MSI2: variants seen among roughly 807,000 people sequenced by gnomAD.
MSI2 encodes RNA-binding protein Musashi homolog 2.
MSI2 carries 17 observed loss-of-function variants against 45.6 expected under a neutral mutation model. The observed-to-expected ratio is 0.37, with a 90% CI of 0.26 to 0.56. The LOEUF (loss-of-function observed/expected upper bound fraction) is 0.56. Ranked by LOEUF, MSI2 falls within the 20% of genes least tolerant of loss-of-function variation. The probability of loss-of-function intolerance (pLI) is 0.77; values close to 1 mark genes in which losing one functional copy is unlikely to be tolerated. For synonymous variants in MSI2, 156 were observed against 158.2 expected (o/e 0.99, Z 0.11); for missense variants, 293 against 444.2 (o/e 0.66, Z 3.06).
intron 5 of MSI2, among the ~76,000 whole-genome samples, chr17:57,321,365 T>C (rs918440447): frequency 6.6e-6 from 1 of 152,026 alleles, no homozygotes; most frequent in Non-Finnish European, 1.5e-5. Context: ...GCAAGGTGAC[T>C]CAGAACATTA....
At chr17:57,278,631 T>A (rs1399281665) in intron 5 of MSI2, 1 of 152,348 alleles carries the variant, frequency 6.6e-6, no homozygotes, top group Non-Finnish European at 1.5e-5. Flanking sequence ...AAGACCTCCA[T>A]CCCCCCACTG....
intron 6 of MSI2, among the ~76,000 whole-genome samples, chr17:57,518,260 C>T (rs2086511204): frequency 6.6e-6 from 1 of 152,120 alleles, no homozygotes; most frequent in Non-Finnish European, 1.5e-5. Context: ...GCAGATGGCC[C>T]ATGGGATTAA....
Position 57,280,355 on chromosome 17 carries a change from G to GA in MSI2, c.312+18165dup, listed in dbSNP as rs1416935070. 6.6e-6 allele frequency among the ~76,000 whole-genome samples: 1 copy of GA among 151,896 alleles called. No homozygotes were observed. Among genetic ancestry groups the GA allele is most frequent in the Non-Finnish European group, 1.5e-5 (1 of 68,002 alleles). ...GTGGGTACCCCAGGGGGCTGTGGGG[G>GA]AATCAGTGAGTAAGTTGTTGTGGTG... On this transcript the variant is annotated intron_variant, in intron 5 of 13. Coordinates refer to ENST00000284073, the MANE Select transcript of MSI2 (RefSeq NM_138962.4). This position sits in a 1 kb window ranked among gnomAD's most constrained non-coding sequence, Gnocchi z 4.2.
intron 5 of MSI2, among the ~76,000 whole-genome samples, chr17:57,307,910 A>G (rs2143583580): frequency 6.6e-6 from 1 of 152,232 alleles, no homozygotes; most frequent in Non-Finnish European, 1.5e-5. Context: ...TCTCTCTTGG[A>G]CCATAACCTG....
chr17:57,285,916 G>T (rs538416205), intron 5 of MSI2: 2 of 1,534,132 alleles, frequency 1.3e-6, no homozygotes, highest in Non-Finnish European at 1.7e-6. Context: ...AAGTACTAAA[G>T]AATACGTCTT....
intron 6 of MSI2, among the ~76,000 whole-genome samples, chr17:57,458,161 C>T (rs933559325): frequency 4.9e-5 from 7 of 142,550 alleles, no homozygotes; most frequent in African/African-American, 1.1e-4. Context: ...AGTGCAGTGG[C>T]GCGATCTTGG....
chr17:57,299,120 C>T (rs1019056776), intron 5 of MSI2, among the ~76,000 whole-genome samples: 1 of 152,198 alleles, frequency 6.6e-6, no homozygotes, highest in Non-Finnish European at 1.5e-5. Context: ...CACTTCTCAG[C>T]CCTCATAGAA....
intron 7 of MSI2, among the ~76,000 whole-genome samples, chr17:57,588,346 G>C (rs1349134319): frequency 6.6e-6 from 1 of 152,202 alleles, no homozygotes; most frequent in African/African-American, 2.4e-5. Flanking sequence ...TAAGGCCAGG[G>C]AAGTGAGCAC....
intron 11 of MSI2, among the ~76,000 whole-genome samples, chr17:57,664,520 A>C (rs1359727304): frequency 6.6e-6 from 1 of 152,138 alleles, no homozygotes; most frequent in African/African-American, 2.4e-5. Flanking sequence ...TCCCTCTCAA[A>C]AAAGGGGAAA....
At chr17:57,394,794 TAG>T (rs1052178404) in intron 5 of MSI2, among the ~76,000 whole-genome samples, 2 of 152,184 alleles carry the variant, frequency 1.3e-5, no homozygotes, top group African/African-American at 2.4e-5. Context: ...CCATAATTGA[TAG>T]AGTTTCCATG....
Position 57,294,533 on chromosome 17 carries a change from G to A in MSI2, c.312+32341G>A, listed in dbSNP as rs189846408. ...CTCCAAGGGGCTAGCTGAAGCTGGG[G>A]AAGGTGAAGAAGTGAGTCTGAGTTG... On this transcript the variant is annotated intron_variant, in intron 5 of 13. Transcript: ENST00000284073. Among the ~76,000 whole-genome samples the A allele has an allele frequency of 4.6e-5, 7 of 152,320 alleles. No homozygotes were observed. The East Asian group carries it at 1.3e-3, about 29-fold the overall frequency.
At chr17:57,473,355 T>C (rs572219927) in intron 6 of MSI2, among the ~76,000 whole-genome samples, 1 of 152,322 alleles carries the variant, frequency 6.6e-6, no homozygotes, top group African/African-American at 2.4e-5. Context: ...CGGATGTATA[T>C]ATAACTCATT....
chr17:57,465,703 C>T (rs946319265), intron 6 of MSI2, among the ~76,000 whole-genome samples: 1 of 152,138 alleles, frequency 6.6e-6, no homozygotes. Context: ...ATGTTCTGTG[C>T]TCTTAGCCTG....
At chr17:57,427,600 G>A (rs886979064) in intron 6 of MSI2, among the ~76,000 whole-genome samples, 1 of 152,054 alleles carries the variant, frequency 6.6e-6, no homozygotes, top group African/African-American at 2.4e-5. Context: ...GGCCACGTAC[G>A]TAAAGTGTCA....
At chr17:57,281,647 C>T (rs931392055) in intron 5 of MSI2, among the ~76,000 whole-genome samples, 9 of 152,168 alleles carry the variant, frequency 5.9e-5, no homozygotes, top group East Asian at 3.9e-4. Context: ...CAATATACTG[C>T]GTTTCAGTTT....
At chr17:57,567,156 A>G (rs952195454) in intron 7 of MSI2, among the ~76,000 whole-genome samples, 1 of 152,210 alleles carries the variant, frequency 6.6e-6, no homozygotes, top group Admixed American at 6.5e-5. Flanking sequence ...CGTTTAAAAC[A>G]TTGCTATCAA....
intron 10 of MSI2, chr17:57,629,216 G>T (rs575881821): frequency 7.9e-5 from 12 of 152,318 alleles, no homozygotes; most frequent in African/African-American, 2.9e-4. Context: ...ATCACTTGAG[G>T]TCAGGAGTTC....
Position 57,552,917 on chromosome 17 carries a change from G to A in MSI2, c.454+23193G>A, listed in dbSNP as rs77309311. ...GAACCAAGCTTTTTAGGGCTGATGT[G>A]GCGTGGGCTGGGAGACTTCTCTTTT... On this transcript the variant is annotated intron_variant, in intron 7 of 13. Coordinates refer to ENST00000284073, the MANE Select transcript of MSI2 (RefSeq NM_138962.4). The surrounding 1 kb of genome is among the most constrained non-coding windows in gnomAD (Gnocchi z 4.3). Among the ~76,000 whole-genome samples the A allele has an allele frequency of 7.8e-4, 119 of 152,310 alleles. 2 individuals are homozygous for A. In the East Asian group the frequency reaches 0.021, roughly 27 times the overall value.
At chr17:57,442,327 G>T (rs917232834) in intron 6 of MSI2, among the ~76,000 whole-genome samples, 1 of 152,130 alleles carries the variant, frequency 6.6e-6, no homozygotes, top group African/African-American at 2.4e-5. Flanking sequence ...GAGCCACTGC[G>T]CCTGGCCAAC....
Sources: allele counts gnomAD v4.1 joint callset (sites outside exome capture counted in the v4.1 genomes callset), GRCh38; gene constraint gnomAD v4.1.1; non-coding constraint Gnocchi (gnomAD v3.1); transcripts MANE v1.5; gene names NCBI Gene and HGNC (gene_info 2026-07-23, HGNC 2026-07-21).